Variants in LMO7 observed in about 807,000 individuals in gnomAD.
LMO7 encodes the protein LIM domain only protein 7.
In LMO7, 120 loss-of-function variants were observed where a neutral mutation model predicts 206.5. The ratio of observed to expected loss-of-function variants is 0.58; its 90% CI spans 0.50 to 0.68. The LOEUF (loss-of-function observed/expected upper bound fraction) is 0.68. LMO7 is among the 30% of genes least tolerant of loss of function. LMO7 has a pLI of 0.00. For missense variants in LMO7, 1,959 were observed against 1,957.9 expected, an observed-to-expected ratio of 1.00 and a Z score of -0.01; for synonymous variants, 706 against 681.5, an observed-to-expected ratio of 1.04 and a Z score of -0.56.
chr13:75,730,295 A>G (rs1401588926), intron 3 of LMO7, among the ~76,000 whole-genome samples: 1 of 152,194 alleles, frequency 6.6e-6, no homozygotes, highest in Non-Finnish European at 1.5e-5. Context: ...AATTATTGCC[A>G]CAACTTCAGA....
intron 3 of LMO7, among the ~76,000 whole-genome samples, chr13:75,758,752 G>A (rs1188210095): frequency 6.6e-6 from 1 of 152,098 alleles, no homozygotes; most frequent in African/African-American, 2.4e-5. Flanking sequence ...TATGAAATAT[G>A]TGAAGAATCA....
chr13:75,665,393 ATATTTT>A, intron 1 of LMO7, among the ~76,000 whole-genome samples: 1 of 152,210 alleles, frequency 6.6e-6, no homozygotes, highest in African/African-American at 2.4e-5. Flanking sequence ...AGTAATTTAG[ATATTTT>A]TAAAAATTTT....
Position 75,833,155 on chromosome 13 carries a change from A to G in LMO7, c.3054A>G (p.Ser1018=). The G allele has an allele frequency of 1.3e-6, 2 of 1,565,190 alleles. No individual in the cohort carries two copies. Among genetic ancestry groups the G allele is most frequent in the Non-Finnish European group, 1.8e-6 (2 of 1,135,614 alleles). The change falls in exon 16 of 31, where the codon TCA becomes TCG. Residue 1018 remains serine, a synonymous_variant. Coordinates refer to ENST00000377534, the MANE Select transcript of LMO7 (RefSeq NM_001306080.2). ...KWDIPGIFVA[S]VEAGSPAEFS... ...ATATTCCTGGGATCTTCGTAGCATC[A>G]GTTGAAGCAGGTAAATTATGTGTTT...
intron 1 of LMO7, among the ~76,000 whole-genome samples, chr13:75,696,704 C>T (rs556944070): frequency 1.3e-5 from 2 of 152,294 alleles, no homozygotes; most frequent in Non-Finnish European, 2.9e-5. Flanking sequence ...TTCTTCTACA[C>T]ACTGAACCCT....
At chr13:75,836,741 G>A (rs772579806) in intron 19 of LMO7, among the ~76,000 whole-genome samples, 5 of 152,206 alleles carry the variant, frequency 3.3e-5, no homozygotes, top group African/African-American at 7.2e-5. Flanking sequence ...TCCTGAGGCC[G>A]TCAGCTTTCT....
chr13:75,649,594 A>G (rs2037370844), intron 1 of LMO7, among the ~76,000 whole-genome samples: 2 of 152,186 alleles, frequency 1.3e-5, no homozygotes, highest in Non-Finnish European at 1.5e-5. Flanking sequence ...CAAGCTTGGT[A>G]AAGTTTTAGT....
Position 75,713,212 on chromosome 13 carries a change from G to C in LMO7, c.100G>C (p.Asp34His). 6.2e-7 allele frequency: 1 copy of C among 1,611,202 alleles called. No individual in the cohort carries two copies. Among genetic ancestry groups the C allele is most frequent in the Non-Finnish European group, 8.5e-7 (1 of 1,178,406 alleles). ...AVTEKNFETKDFRASLENGVL... is the reference protein window; with the variant it reads ...AVTEKNFETKHFRASLENGVL... ...AACAGAGAAGAATTTTGAAACAAAA[G>C]ATTTTCGAGCCTCTCTAGAAAATGG... Residue 34 changes from aspartate (D) to histidine (H), a missense_variant, in exon 2 of 31, where the codon GAT becomes CAT. Transcript: ENST00000377534.
At position 75,730,622 on chromosome 13, in the gene LMO7, A is replaced by C. The variant is rs998944670; in HGVS notation, c.210+3524A>C. On this transcript the variant is annotated intron_variant, in intron 3 of 30. Coordinates refer to ENST00000377534, the MANE Select transcript of LMO7 (RefSeq NM_001306080.2). ...TTTTTGAAGGGTTTTTTGTGTCTCT[A>C]TTTCCTTCAGTTCTGCTCTGATTTT... Among the ~76,000 whole-genome samples the C allele has an allele frequency of 5.6e-5, 8 of 143,250 alleles. No individual in the cohort carries two copies. In the South Asian group the frequency reaches 9.1e-4, roughly 16 times the overall value. The allele number at this position is 143,250 out of a possible 152,430, so 94.0% of individuals were successfully genotyped here. A position where few individuals can be genotyped will look rare whatever the true frequency, so the allele number is the denominator to read the frequency against.
intron 1 of LMO7, among the ~76,000 whole-genome samples, chr13:75,646,433 G>A (rs2037014903): frequency 6.6e-6 from 1 of 152,136 alleles, no homozygotes; most frequent in East Asian, 1.9e-4. Context: ...ATTACATTAA[G>A]AATAAAGTCT....
At position 75,705,091 on chromosome 13, in the gene LMO7, C is replaced by A. The variant is rs573773123; in HGVS notation, c.70-8091C>A. Among the ~76,000 whole-genome samples, 54 of 152,284 alleles carry A rather than the reference C, an allele frequency of 3.5e-4. 2 individuals are homozygous for A. In the South Asian group the frequency reaches 0.011, roughly 30 times the overall value. On this transcript the variant is annotated intron_variant, in intron 1 of 30. Coordinates refer to ENST00000377534, the MANE Select transcript of LMO7 (RefSeq NM_001306080.2). ...TGGTGCGGAATATGCCCTCGGGAGG[C>A]CGCTCCGCCCTTCATATGCTCGGGT...
chr13:75,666,095 AT>A (rs1209891349), intron 1 of LMO7, among the ~76,000 whole-genome samples: 2 of 152,114 alleles, frequency 1.3e-5, no homozygotes, highest in African/African-American at 4.8e-5. Context: ...AAACTTTTAA[AT>A]TTTTTTTAAC....
At chr13:75,727,161 T>C (rs1486841897) in intron 3 of LMO7, 63 bp downstream of exon 3, 22 of 1,075,104 alleles carry the variant, frequency 2.0e-5, no homozygotes, top group Non-Finnish European at 1.4e-6. Flanking sequence ...GAGGTGGGCA[T>C]AGGCAGATTT....
intron 1 of LMO7, among the ~76,000 whole-genome samples, chr13:75,687,236 A>G (rs910521883): frequency 6.6e-6 from 1 of 152,170 alleles, no homozygotes; most frequent in Non-Finnish European, 1.5e-5. Context: ...TGACTGTATT[A>G]GTGTCAGTTT....
intron 3 of LMO7, among the ~76,000 whole-genome samples, chr13:75,740,645 A>T (rs141512640): frequency 4.7e-4 from 71 of 152,284 alleles, no homozygotes; most frequent in African/African-American, 1.7e-3. Flanking sequence ...CTACCTAGAA[A>T]ATTTAAGAAA....
At chr13:75,842,068 TACCA>T in intron 24 of LMO7, 85 bp downstream of exon 24, 2 of 971,682 alleles carry the variant, frequency 2.1e-6, no homozygotes, top group Middle Eastern at 3.4e-4. Flanking sequence ...TCCTGTTTCC[TACCA>T]CCCATTCTCC....
chr13:75,822,773 T>C (rs931663657), intron 14 of LMO7, among the ~76,000 whole-genome samples: 4,017 of 102,170 alleles, frequency 0.039, 156 homozygotes, highest in African/African-American at 0.088. Context: ...TATATATATA[T>C]ATATATATAT....
chr13:75,649,035 T>A (rs2037310954), intron 1 of LMO7, among the ~76,000 whole-genome samples: 1 of 152,164 alleles, frequency 6.6e-6, no homozygotes, highest in South Asian at 2.1e-4. Flanking sequence ...AACATGGAAG[T>A]CTTTCAAGTT....
At chr13:75,622,708 T>A (rs2033475558) in intron 1 of LMO7, among the ~76,000 whole-genome samples, 1 of 152,228 alleles carries the variant, frequency 6.6e-6, no homozygotes, top group Non-Finnish European at 1.5e-5. Context: ...GTGTAGTGCA[T>A]ACTAATGGGT....
At chr13:75,804,701 T>A in intron 8 of LMO7, 160 bp downstream of exon 8, 1 of 1,086,818 alleles carries the variant, frequency 9.2e-7, no homozygotes, top group Non-Finnish European at 1.3e-6. Flanking sequence ...GTTATACATA[T>A]CTTGAAGCCA....
Sources: gnomAD v4.1 joint callset for allele counts (sites outside exome capture counted in the v4.1 genomes callset) on GRCh38, gnomAD v4.1.1 for gene constraint, MANE v1.5 for transcripts, NCBI Gene and HGNC (gene_info 2026-07-23, HGNC 2026-07-21) for gene names.